The following EIF3J variants were observed in gnomAD, a reference collection of about 807,000 sequenced individuals.
EIF3J encodes eukaryotic translation initiation factor 3, subunit 1 (alpha, 35kD).
In EIF3J, 15 loss-of-function variants were observed where a neutral mutation model predicts 39.0. The observed-to-expected ratio is 0.38, with a 90% CI of 0.26 to 0.59. The LOEUF is 0.59. EIF3J is among the 20% of genes least tolerant of loss of function. The pLI, the probability that EIF3J is intolerant of heterozygous loss-of-function variation, is 0.60. For missense variants in EIF3J, 226 were observed against 308.6 expected (o/e 0.73, Z 2.00); for synonymous variants, 98 against 112.9 (o/e 0.87, Z 0.84).
intron 2 of EIF3J, among the ~76,000 whole-genome samples, chr15:44,543,388 CTCT>C (rs1236664885): frequency 6.7e-6 from 1 of 149,710 alleles, no homozygotes; most frequent in Admixed American, 6.6e-5. Context: ...GATGTCATGG[CTCT>C]TCTTGGTACA....
chr15:44,544,921 T>A (rs765911641), intron 2 of EIF3J, among the ~76,000 whole-genome samples: 1 of 151,870 alleles, frequency 6.6e-6, no homozygotes, highest in Non-Finnish European at 1.5e-5. Context: ...GGAAAATTGC[T>A]TGAACCTAGG....
intron 7 of EIF3J, 119 bp from the exon 8 acceptor site, chr15:44,560,899 T>C (rs2082187670): frequency 7.3e-7 from 1 of 1,369,912 alleles, no homozygotes. Context: ...GGATGTCCCT[T>C]ACAGAACTAG....
chr15:44,537,265 C>G (rs775547325), intron 1 of EIF3J, 28 bp downstream of exon 1: 11 of 1,572,864 alleles, frequency 7.0e-6, no homozygotes, highest in Non-Finnish European at 9.5e-6. Context: ...GGGCAGGGCC[C>G]GGGCCGGCGC....
At chr15:44,553,303 T>G (rs1289068375) in intron 4 of EIF3J, among the ~76,000 whole-genome samples, 1 of 151,468 alleles carries the variant, frequency 6.6e-6, no homozygotes, top group Admixed American at 6.6e-5. Context: ...CCATCCTGGC[T>G]AACACGGTGA....
intron 4 of EIF3J, among the ~76,000 whole-genome samples, chr15:44,553,939 T>A (rs1490686787): frequency 6.6e-6 from 1 of 152,220 alleles, no homozygotes; most frequent in Non-Finnish European, 1.5e-5. Context: ...ACAGTCTCAA[T>A]TCCTTTTTTT....
At chr15:44,543,971 G>A (rs952317400) in intron 2 of EIF3J, among the ~76,000 whole-genome samples, 1 of 151,942 alleles carries the variant, frequency 6.6e-6, no homozygotes, top group African/African-American at 2.4e-5. Context: ...CCTGTGTTGA[G>A]TTTGTTTCTT....
intron 5 of EIF3J, among the ~76,000 whole-genome samples, chr15:44,555,564 TAACTG>T (rs1191083151): frequency 6.6e-6 from 1 of 152,222 alleles, no homozygotes; most frequent in Non-Finnish European, 1.5e-5. Context: ...TGGCAGGTCT[TAACTG>T]CACTCATCTA....
Position 44,554,375 on chromosome 15 carries a change from T to TAAAAAAAA in EIF3J, c.295-160_295-153dup, listed in dbSNP as rs59415615. 8.1e-5 allele frequency among the ~76,000 whole-genome samples: 5 copies of TAAAAAAAA among 61,896 alleles called. No individual in the cohort carries two copies. The East Asian group carries it at 2.4e-3, about 30-fold the overall frequency. 40.6% of individuals were successfully genotyped at this position (61,896 alleles called of 152,430 possible). A position where few individuals can be genotyped will look rare whatever the true frequency, so the allele number is the denominator to read the frequency against. On this transcript the variant is annotated intron_variant, in intron 4 of 7. Coordinates refer to ENST00000261868, the MANE Select transcript of EIF3J (RefSeq NM_003758.4). The stretch of plus-strand genomic sequence containing the variant: ...CTTGGTGGCAGAGTGAGGCTCTGTC[T>TAAAAAAAA]AAAAAAAAAAAAAAAAAAAAAAAAA...
chr15:44,551,940 C>A (rs959298882), intron 4 of EIF3J, among the ~76,000 whole-genome samples: 1 of 152,020 alleles, frequency 6.6e-6, no homozygotes, highest in Non-Finnish European at 1.5e-5. Context: ...AGCCATTCCC[C>A]TGCCTCAGCC....
At chr15:44,556,397 A>G (rs1379833928) in intron 5 of EIF3J, among the ~76,000 whole-genome samples, 1 of 152,140 alleles carries the variant, frequency 6.6e-6, no homozygotes, top group Admixed American at 6.6e-5. Flanking sequence ...TCTGGAATGC[A>G]GTGGCATGAC....
At chr15:44,547,384 C>T (rs1408980247) in intron 2 of EIF3J, among the ~76,000 whole-genome samples, 2 of 150,710 alleles carry the variant, frequency 1.3e-5, no homozygotes, top group African/African-American at 4.9e-5. Context: ...CTCAGGTGAT[C>T]TGCCTGCCTT....
intron 2 of EIF3J, among the ~76,000 whole-genome samples, chr15:44,540,251 ATATATATATATATATATTTT>A (rs1455319154): frequency 2.1e-5 from 1 of 48,304 alleles, no homozygotes; most frequent in African/African-American, 6.3e-5. Flanking sequence ...ATATATATAT[ATATATATATATATATATTTT>A]TTTTTTTTTT....
intron 2 of EIF3J, among the ~76,000 whole-genome samples, chr15:44,544,287 A>C (rs2082035604): frequency 6.6e-6 from 1 of 151,044 alleles, no homozygotes; most frequent in African/African-American, 2.4e-5. Flanking sequence ...TAGTAGAAAC[A>C]GGGGTTTGCC....
chr15:44,551,521 G>T lies in EIF3J; in HGVS notation c.293G>T (p.Arg98Met). 2.5e-6 allele frequency: 4 copies of T among 1,582,476 alleles called. No individual in the cohort carries two copies. Among genetic ancestry groups the T allele is most frequent in the Non-Finnish European group, 3.4e-6 (4 of 1,165,568 alleles). The change falls in exon 4 of 8, where the codon AGG (arginine) becomes ATG (methionine). Residue 98 changes from arginine (R) to methionine (M), a missense_variant and splice_region_variant. Arg to Met is a moderately conservative substitution (Grantham distance 91). Coordinates refer to ENST00000261868, the MANE Select transcript of EIF3J (RefSeq NM_003758.4). ...QKKRQEEIKK[R>M]LEEPEEPKVL... is the part of the protein sequence containing the mutation. The stretch of plus-strand genomic sequence containing the variant: ...AAAAGGCAAGAAGAAATTAAAAAGA[G>T]GGTAAATTCTGTTTTCTAAAATACA...
At chr15:44,537,752 G>A (rs2081972295) in intron 2 of EIF3J, among the ~76,000 whole-genome samples, 1 of 152,216 alleles carries the variant, frequency 6.6e-6, no homozygotes, top group Admixed American at 6.5e-5. Flanking sequence ...AATGAGACCG[G>A]GAAGTTGGGA....
chr15:44,541,894 A>G (rs898479358), intron 2 of EIF3J, among the ~76,000 whole-genome samples: 1 of 152,206 alleles, frequency 6.6e-6, no homozygotes, highest in Non-Finnish European at 1.5e-5. Flanking sequence ...ATATCATTTC[A>G]TACCCTGCCA....
chr15:44,550,605 G>A (rs1166020724), intron 2 of EIF3J: 4 of 244,982 alleles, frequency 1.6e-5, no homozygotes, highest in Non-Finnish European at 3.1e-5. Context: ...TAAATCTAAA[G>A]AGAAATGCGC....
At chr15:44,555,005 G>A (rs949572351) in intron 5 of EIF3J, among the ~76,000 whole-genome samples, 3 of 152,186 alleles carry the variant, frequency 2.0e-5, no homozygotes, top group Non-Finnish European at 4.4e-5. Context: ...ATGGACTGTA[G>A]GGCTGTCCTG....
At chr15:44,554,336 C>T (rs2082125853) in intron 4 of EIF3J, among the ~76,000 whole-genome samples, 1 of 144,768 alleles carries the variant, frequency 6.9e-6, no homozygotes, top group African/African-American at 2.6e-5. Flanking sequence ...AAGATCATGC[C>T]ACTGTGCTCC....
Sources: gnomAD v4.1 joint callset for allele counts (sites outside exome capture counted in the v4.1 genomes callset) on GRCh38, gnomAD v4.1.1 for gene constraint, MANE v1.5 for transcripts, NCBI Gene and HGNC (gene_info 2026-07-23, HGNC 2026-07-21) for gene names.